DLGAP1: variants seen among roughly 807,000 people sequenced by gnomAD.
DLGAP1 encodes the protein disks large-associated protein 1.
Under a neutral mutation model 90.8 loss-of-function variants are expected in DLGAP1, and 11 were observed. That is an observed-to-expected ratio of 0.12 (90% CI 0.08 to 0.20). DLGAP1 has a LOEUF of 0.20. DLGAP1 is among the 10% of genes least tolerant of loss of function. The probability of loss-of-function intolerance (pLI) is 1.00; values close to 1 mark genes in which losing one functional copy is unlikely to be tolerated. For synonymous variants in DLGAP1, 558 were observed against 540.7 expected (o/e 1.03, Z -0.44); for missense variants, 1,050 against 1,333.8 (o/e 0.79, Z 3.31).
At chr18:3,749,629 C>T (rs1356795669) in intron 5 of DLGAP1, among the ~76,000 whole-genome samples, 1 of 152,160 alleles carries the variant, frequency 6.6e-6, no homozygotes, top group African/African-American at 2.4e-5. Context: ...TACTACCAAC[C>T]TTATGCTAAT....
intron 1 of DLGAP1, among the ~76,000 whole-genome samples, chr18:4,443,779 G>A (rs2083594145): frequency 2.0e-5 from 3 of 152,150 alleles, no homozygotes; most frequent in African/African-American, 4.8e-5. Context: ...AAAGGGATCC[G>A]TAAGAAAATA....
chr18:3,694,042 C>A (rs201982240), intron 7 of DLGAP1, among the ~76,000 whole-genome samples: 1 of 148,816 alleles, frequency 6.7e-6, no homozygotes. Flanking sequence ...CCACCCCCCC[C>A]TCAGCCCCCA....
chr18:3,695,075 G>A (rs928885811), intron 7 of DLGAP1, among the ~76,000 whole-genome samples: 2 of 151,888 alleles, frequency 1.3e-5, no homozygotes, highest in Admixed American at 6.6e-5. Context: ...GAGTAGCTGG[G>A]ACTACAGGCA....
intron 1 of DLGAP1, among the ~76,000 whole-genome samples, chr18:4,158,278 T>C (rs2076789447): frequency 6.6e-6 from 1 of 152,132 alleles, no homozygotes; most frequent in Non-Finnish European, 1.5e-5. Flanking sequence ...TATATTTTTG[T>C]TTTTTATTTA....
At chr18:3,959,464 C>A (rs796738932) in intron 3 of DLGAP1, among the ~76,000 whole-genome samples, 2 of 151,978 alleles carry the variant, frequency 1.3e-5, no homozygotes, top group South Asian at 4.2e-4. Context: ...GTCAGGAGTC[C>A]GAGACCAGCC....
Position 4,267,351 on chromosome 18 carries a change from A to G in DLGAP1, c.-266-116064T>C, listed in dbSNP as rs75865875. 6.9e-3 allele frequency among the ~76,000 whole-genome samples: 1,047 copies of G among 152,350 alleles called. 13 individuals carry two copies. The highest frequency in any genetic ancestry group is 0.023 in the African/African-American group (976 of 41,584). On this transcript the variant is annotated intron_variant, in intron 1 of 12. Coordinates refer to ENST00000315677, the MANE Select transcript of DLGAP1 (RefSeq NM_004746.4). ...AAATGGACTATCAATGGGAAACTAC[A>G]AAGATTACTTGCTATTGCTCCTTCC... is the stretch of plus-strand genomic sequence containing the variant.
At chr18:4,053,519 T>A (rs2075167081) in intron 2 of DLGAP1, among the ~76,000 whole-genome samples, 1 of 152,170 alleles carries the variant, frequency 6.6e-6, no homozygotes, top group Non-Finnish European at 1.5e-5. Context: ...CCAAAGAGTA[T>A]CACTATATGA....
intron 3 of DLGAP1, among the ~76,000 whole-genome samples, chr18:3,955,334 A>G (rs543722571): frequency 6.6e-6 from 1 of 152,354 alleles, no homozygotes; most frequent in Non-Finnish European, 1.5e-5. Context: ...ATCAGAACAA[A>G]ACATAAGAAT....
At chr18:3,979,890 C>T (rs897770868) in intron 3 of DLGAP1, among the ~76,000 whole-genome samples, 2 of 152,162 alleles carry the variant, frequency 1.3e-5, no homozygotes, top group Non-Finnish European at 2.9e-5. Flanking sequence ...AATCCCAGCA[C>T]TTTGGGAAGC....
chr18:3,880,957 A>G (rs1018583764), intron 3 of DLGAP1, among the ~76,000 whole-genome samples: 8 of 150,846 alleles, frequency 5.3e-5, no homozygotes, highest in East Asian at 3.9e-4. Flanking sequence ...AAAAAAAAAA[A>G]AAAAAAAAAA....
rs1303129841 is a variant in DLGAP1, at chr18:3,561,289, A to G, written c.2057+6201T>C. Among the ~76,000 whole-genome samples the G allele has an allele frequency of 2.7e-5, 4 of 148,838 alleles. No homozygotes were observed. In the East Asian group the frequency reaches 7.8e-4, roughly 29 times the overall value. Reference sequence around the variant, plus strand: ...AACAAAAAAAAAAAAACAAACAAAAAATAGCCAGATGTGGCAGGTGCCTGT... The same window carrying G: ...AACAAAAAAAAAAAAACAAACAAAAGATAGCCAGATGTGGCAGGTGCCTGT... On this transcript the variant is annotated intron_variant, in intron 9 of 12. Coordinates refer to ENST00000315677, the MANE Select transcript of DLGAP1 (RefSeq NM_004746.4).
chr18:3,687,387 G>A (rs967292982), intron 7 of DLGAP1, among the ~76,000 whole-genome samples: 3 of 152,186 alleles, frequency 2.0e-5, no homozygotes, highest in African/African-American at 7.2e-5. Context: ...GACAGATGGT[G>A]TAAAAGAATT....
At chr18:3,875,914 C>T (rs940978391) in intron 4 of DLGAP1, among the ~76,000 whole-genome samples, 9 of 151,804 alleles carry the variant, frequency 5.9e-5, no homozygotes, top group East Asian at 1.9e-4. Context: ...AGGACTAGAA[C>T]GCTCCGGGAA....
chr18:4,031,382 T>C (rs1333415778), intron 2 of DLGAP1, among the ~76,000 whole-genome samples: 1 of 152,190 alleles, frequency 6.6e-6, no homozygotes, highest in Non-Finnish European at 1.5e-5. Flanking sequence ...ACTGAAAACA[T>C]TGGTGACTAT....
chr18:3,517,819 G>A lies in DLGAP1; in HGVS notation c.2480-9158C>T, dbSNP rs1433359579. ...GCAACAAGAGAGAAACTCTGTCTCG[G>A]AAAAAAAAAAAAAAGAAGAGAGTCA... On this transcript the variant is annotated intron_variant, in intron 10 of 12. Coordinates refer to ENST00000315677, the MANE Select transcript of DLGAP1 (RefSeq NM_004746.4). The surrounding 1 kb of genome is among the most constrained non-coding windows in gnomAD (Gnocchi z 4.1). 3.5e-5 allele frequency among the ~76,000 whole-genome samples: 5 copies of A among 141,898 alleles called. No individual in the cohort carries two copies. Among genetic ancestry groups the A allele is most frequent in the African/African-American group, 5.2e-5 (2 of 38,480 alleles). The allele number at this position is 141,898 out of a possible 152,430, so 93.1% of individuals were successfully genotyped here.
chr18:4,138,141 T>C (rs969920101), intron 2 of DLGAP1, among the ~76,000 whole-genome samples: 1 of 152,134 alleles, frequency 6.6e-6, no homozygotes, highest in Non-Finnish European at 1.5e-5. Flanking sequence ...CTTCCAGTAA[T>C]ATGTTGAATA....
At chr18:3,734,017 GTCAATTTC>G (rs747968977) in intron 6 of DLGAP1, among the ~76,000 whole-genome samples, 1 of 152,054 alleles carries the variant, frequency 6.6e-6, no homozygotes, top group African/African-American at 2.4e-5. Flanking sequence ...ATTGTTCAGG[GTCAATTTC>G]TCAGGTACAT....
chr18:4,367,414 A>G (rs1262582861), intron 1 of DLGAP1, among the ~76,000 whole-genome samples: 1 of 152,018 alleles, frequency 6.6e-6, no homozygotes, highest in East Asian at 1.9e-4. Flanking sequence ...TTACCAAGTA[A>G]GTTTTCTTTA....
At chr18:3,859,855 C>T (rs2069916155) in intron 4 of DLGAP1, among the ~76,000 whole-genome samples, 1 of 152,074 alleles carries the variant, frequency 6.6e-6, no homozygotes, top group Admixed American at 6.5e-5. Context: ...AATCCCAGCA[C>T]TTTGGGAGGC....
Sources: gnomAD v4.1 joint callset for allele counts (sites outside exome capture counted in the v4.1 genomes callset) on GRCh38, gnomAD v4.1.1 for gene constraint, Gnocchi (gnomAD v3.1) non-coding constraint, MANE v1.5 for transcripts, NCBI Gene and HGNC (gene_info 2026-07-23, HGNC 2026-07-21) for gene names.